The following MTMR9 variants were observed in gnomAD, a reference collection of about 807,000 sequenced individuals.
The protein encoded by MTMR9 is myotubularin related protein 9.
A neutral mutation model predicts 69.5 loss-of-function variants in MTMR9; 39 were observed. The observed-to-expected ratio is 0.56, with a 90% CI of 0.43 to 0.73. The LOEUF is 0.73. MTMR9 is among the 30% of genes least tolerant of loss of function. MTMR9 has a pLI of 0.00. For missense variants in MTMR9, 900 were observed against 671.2 expected (o/e 1.34, Z -3.77); for synonymous variants, 354 against 240.8 (o/e 1.47, Z -4.35).
intron 2 of MTMR9, chr8:11,298,631 T>C (rs900461682): frequency 4.6e-6 from 2 of 435,200 alleles, no homozygotes; most frequent in African/African-American, 2.1e-5. Flanking sequence ...AGCATTGCTG[T>C]TGGGCCTTCT....
At chr8:11,315,381 C>T (rs983764182) in intron 7 of MTMR9, among the ~76,000 whole-genome samples, 4 of 152,056 alleles carry the variant, frequency 2.6e-5, no homozygotes, top group South Asian at 4.1e-4. Context: ...CATAAGCAGT[C>T]GGGGAAGGGG....
intron 9 of MTMR9, chr8:11,321,700 C>A: frequency 3.2e-6 from 1 of 310,034 alleles, no homozygotes; most frequent in South Asian, 2.8e-5. Flanking sequence ...CTGCTGTTTA[C>A]ATTTACATCA....
rs1036870148 is a variant in MTMR9, at chr8:11,304,949, G to T, written c.526G>T (p.Val176Leu). The change falls in exon 4 of 10, where the codon GTA becomes TTA. Residue 176 changes from valine (V) to leucine (L), a missense_variant. Transcript: ENST00000221086. ...CATCGATGATGAAGCTCTTCGGAAG[G>T]TAGCTACATTTCGACATGGAGGGCG... ...KSIDDEALRKVATFRHGGRFP... is the reference protein window; with the variant it reads ...KSIDDEALRKLATFRHGGRFP... The T allele has an allele frequency of 9.3e-6, 15 of 1,614,094 alleles. No individual in the cohort carries two copies. The highest frequency in any genetic ancestry group is 1.2e-5 in the Non-Finnish European group (14 of 1,179,974).
rs927001704 is a variant in MTMR9, at chr8:11,327,208, T to C, written c.*4420T>C. The C allele has an allele frequency of 1.3e-5, 2 of 152,196 alleles. No homozygotes were observed. The highest frequency in any genetic ancestry group is 4.8e-5 in the African/African-American group (2 of 41,448). 9.4% of individuals were successfully genotyped at this position (152,196 alleles called of 1,614,324 possible). ...TGGATATTAAAATGCCTGAACCTGT[T>C]ATCTAAATCCTTTTTAAGAAACTTA... is the stretch of plus-strand genomic sequence containing the variant. On this transcript the variant is annotated 3_prime_UTR_variant, in exon 10 of 10. Coordinates refer to ENST00000221086, the MANE Select transcript of MTMR9 (RefSeq NM_015458.4).
the MTMR9 span, among the ~76,000 whole-genome samples, chr8:11,333,966 GAGTT>G: frequency 9.2e-5 from 14 of 152,208 alleles, no homozygotes; most frequent in Non-Finnish European, 1.8e-4. Flanking sequence ...TCATGGGAGT[GAGTT>G]AGTTATCATG....
At position 11,284,821 on chromosome 8, in the gene MTMR9, T is replaced by TC. The variant is rs147663834; in HGVS notation, c.-68_-67insC. ...GCCCCGCGCCGGGTGTTTCCGCTAC[T>TC]TCCCTGCGGCGGGGTAACCGCCTCG... On this transcript the variant is annotated 5_prime_UTR_variant, in exon 1 of 10. Coordinates refer to ENST00000221086, the MANE Select transcript of MTMR9 (RefSeq NM_015458.4). The TC allele has an allele frequency of 7.0e-3, 10,081 of 1,440,186 alleles. 653 individuals carry two copies. In the African/African-American group the frequency reaches 0.13, roughly 19 times the overall value. 89.2% of individuals were successfully genotyped at this position (1,440,186 alleles called of 1,614,324 possible).
the MTMR9 span, among the ~76,000 whole-genome samples, chr8:11,335,996 C>A: frequency 0.055 from 8,324 of 152,248 alleles, 542 homozygotes; most frequent in Admixed American, 0.19. Flanking sequence ...GAATAACATT[C>A]TATCCTCAGG....
chr8:11,308,597 T>C (rs1438613973), intron 5 of MTMR9, among the ~76,000 whole-genome samples: 3 of 152,236 alleles, frequency 2.0e-5, no homozygotes, highest in Non-Finnish European at 4.4e-5. Context: ...TAGGAATTTA[T>C]CCATTTCTTC....
chr8:11,294,397 T>A (rs997272486), intron 1 of MTMR9, among the ~76,000 whole-genome samples: 2 of 152,088 alleles, frequency 1.3e-5, no homozygotes, highest in Non-Finnish European at 2.9e-5. Flanking sequence ...AATGCCCTTA[T>A]CAGGTTGAGG....
intron 8 of MTMR9, 173 bp downstream of exon 8, chr8:11,317,066 G>C (rs1800450432): frequency 2.2e-6 from 1 of 462,786 alleles, no homozygotes; most frequent in Admixed American, 3.8e-5. Flanking sequence ...TCTTTTATGA[G>C]AGCATGTCCT....
At chr8:11,316,406 A>G (rs1227230004) in intron 7 of MTMR9, 2 of 299,980 alleles carry the variant, frequency 6.7e-6, no homozygotes, top group Non-Finnish European at 1.2e-5. Flanking sequence ...TTATTCTTCC[A>G]TGGGATATTC....
At chr8:11,294,301 A>G (rs1389327642) in intron 1 of MTMR9, among the ~76,000 whole-genome samples, 3 of 152,068 alleles carry the variant, frequency 2.0e-5, no homozygotes, top group Non-Finnish European at 4.4e-5. Context: ...TCTTTGTGTT[A>G]TTCATGATTT....
At chr8:11,322,372 T>C (rs756617722) in intron 9 of MTMR9, among the ~76,000 whole-genome samples, 2 of 152,236 alleles carry the variant, frequency 1.3e-5, no homozygotes, top group Non-Finnish European at 2.9e-5. Flanking sequence ...TTGATAATTT[T>C]GTGGGATATT....
intron 6 of MTMR9, among the ~76,000 whole-genome samples, chr8:11,310,624 C>G (rs1800159609): frequency 1.3e-5 from 2 of 152,200 alleles, no homozygotes; most frequent in South Asian, 2.1e-4. Flanking sequence ...GCCCATTTAC[C>G]TAATAAACTG....
At chr8:11,305,035 C>T in intron 4 of MTMR9, 21 bp downstream of exon 4, 5 of 1,606,240 alleles carry the variant, frequency 3.1e-6, no homozygotes, top group African/African-American at 2.7e-5. Flanking sequence ...AGCACTACTG[C>T]TTGATGTACT....
chr8:11,315,968 A>G (rs1327324405), intron 7 of MTMR9: 1 of 152,240 alleles, frequency 6.6e-6, no homozygotes, highest in Non-Finnish European at 1.5e-5. Context: ...GACAAAGCAG[A>G]TCTGTGAAAT....
chr8:11,308,139 C>A (rs1424246427), intron 5 of MTMR9, among the ~76,000 whole-genome samples: 4 of 152,056 alleles, frequency 2.6e-5, no homozygotes, highest in African/African-American at 7.2e-5. Context: ...GAAGCTTTTT[C>A]CTTATGTTTT....
At chr8:11,332,024 A>C (rs74495029), downstream of MTMR9, 79,967 of 1,611,180 alleles carry the variant, frequency 0.05, 4,132 homozygotes, top group Admixed American at 0.28. Flanking sequence ...AGACTGTGGC[A>C]CTTTCTGACA....
At chr8:11,306,818 T>C (rs568075677) in intron 5 of MTMR9, among the ~76,000 whole-genome samples, 1 of 152,182 alleles carries the variant, frequency 6.6e-6, no homozygotes, top group Non-Finnish European at 1.5e-5. Context: ...AGTGAAACTT[T>C]GTTGTTACCT....
Sources: allele counts gnomAD v4.1 joint callset (sites outside exome capture counted in the v4.1 genomes callset), GRCh38; gene constraint gnomAD v4.1.1; transcripts MANE v1.5; gene names NCBI Gene and HGNC (gene_info 2026-07-23, HGNC 2026-07-21).